TENM2: variants seen among roughly 807,000 people sequenced by gnomAD.
TENM2 encodes teneurin-2.
In TENM2, 52 loss-of-function variants were observed where a neutral mutation model predicts 245.2. The ratio of observed to expected loss-of-function variants is 0.21; its 90% CI spans 0.17 to 0.27. The LOEUF is 0.27. Ranked by LOEUF, TENM2 falls within the 10% of genes least tolerant of loss-of-function variation. The pLI is 1.00. For synonymous variants in TENM2, 1,363 were observed against 1,438.9 expected (o/e 0.95, Z 1.19); for missense variants, 3,046 against 3,666.8 (o/e 0.83, Z 4.37).
Position 167,578,892 on chromosome 5 carries a change from G to A in TENM2, c.502+203419G>A, listed in dbSNP as rs143217847. On this transcript the variant is annotated intron_variant, in intron 2 of 28. Transcript: ENST00000518659. Reference sequence around the variant, plus strand: ...CTGTTTTCTTTTCAACAGAGTTCACGATGAGAAGGAGCAAAAATAATTATT... The same window carrying A: ...CTGTTTTCTTTTCAACAGAGTTCACAATGAGAAGGAGCAAAAATAATTATT... Among the ~76,000 whole-genome samples, 143 of 152,216 alleles carry A rather than the reference G, an allele frequency of 9.4e-4. 1 individual carries two copies. The highest frequency in any genetic ancestry group is 3.2e-3 in the African/African-American group (131 of 41,518).
chr5:167,924,529 C>T (rs538381389), intron 3 of TENM2, among the ~76,000 whole-genome samples: 1 of 152,336 alleles, frequency 6.6e-6, no homozygotes, highest in South Asian at 2.1e-4. Context: ...GTTAGCACTT[C>T]TTTCAACTCA....
chr5:167,645,969 T>C (rs1779901502), intron 2 of TENM2, among the ~76,000 whole-genome samples: 2 of 151,630 alleles, frequency 1.3e-5, no homozygotes, highest in South Asian at 4.1e-4. Context: ...TATAATAAAA[T>C]GAGAATAAAT....
chr5:167,101,867 A>ATATATATATATATATATATATATATG, the TENM2 span, among the ~76,000 whole-genome samples: 1 of 128,748 alleles, frequency 7.8e-6, no homozygotes, highest in Non-Finnish European at 1.6e-5. Context: ...ATATATATAT[A>ATATATATATATATATATATATATATG]TATATATATG....
intron 4 of TENM2, among the ~76,000 whole-genome samples, chr5:167,983,190 A>T (rs1397126305): frequency 6.6e-6 from 1 of 152,190 alleles, no homozygotes; most frequent in Admixed American, 6.5e-5. Context: ...GAAGAAAAAA[A>T]AAAAAGACTC....
At chr5:167,934,270 A>C (rs749638340) in intron 3 of TENM2, among the ~76,000 whole-genome samples, 2 of 152,208 alleles carry the variant, frequency 1.3e-5, no homozygotes, top group Non-Finnish European at 2.9e-5. Context: ...ACCATATCAC[A>C]TTAATTGTTT....
intron 1 of TENM2, among the ~76,000 whole-genome samples, chr5:167,334,358 A>G (rs1757635793): frequency 6.6e-6 from 1 of 152,232 alleles, no homozygotes; most frequent in South Asian, 2.1e-4. Context: ...TTCTTAAAAT[A>G]TGCCTTCAAT....
chr5:167,235,169 A>T, the TENM2 span, among the ~76,000 whole-genome samples: 1 of 152,050 alleles, frequency 6.6e-6, no homozygotes, highest in African/African-American at 2.4e-5. Flanking sequence ...TCACATGGTA[A>T]TCCCTCTGTG....
the TENM2 span, among the ~76,000 whole-genome samples, chr5:167,038,488 A>T: frequency 5.3e-5 from 8 of 152,196 alleles, no homozygotes; most frequent in African/African-American, 1.9e-4. Flanking sequence ...ACTTTAAATG[A>T]ACTGTGGAGT....
At chr5:167,308,020 C>G (rs930000960) in intron 1 of TENM2, 1 of 152,388 alleles carries the variant, frequency 6.6e-6, no homozygotes, top group Non-Finnish European at 1.5e-5. Flanking sequence ...TTGCCTAGAC[C>G]TCTTCATCCG....
rs1476866103 is a variant in TENM2 at position 168,246,742 on chromosome 5, C to T, written c.5818-15C>T. On this transcript the variant is annotated splice_polypyrimidine_tract_variant and intron_variant, in intron 26 of 28. Transcript: ENST00000518659. ...AAGCCAACTGATATGTTCTGTTCCCCTTTCCTTTCTGCAGTCCATGGTCCT... is the reference window on the plus strand; with the variant it reads ...AAGCCAACTGATATGTTCTGTTCCCTTTTCCTTTCTGCAGTCCATGGTCCT... 6.2e-7 allele frequency: 1 copy of T among 1,610,352 alleles called. No individual in the cohort carries two copies. Among genetic ancestry groups the T allele is most frequent in the East Asian group, 2.2e-5 (1 of 44,796 alleles).
At position 167,500,030 on chromosome 5, in the gene TENM2, G is replaced by A. The variant is rs571561416; in HGVS notation, c.502+124557G>A. On this transcript the variant is annotated intron_variant, in intron 2 of 28. Transcript: ENST00000518659. ...TGTGTGTGTATGTGTATGTGAGGGT[G>A]TGTGTGTGTGTGTTTGTACATATAT... 6.9e-4 allele frequency among the ~76,000 whole-genome samples: 97 copies of A among 140,270 alleles called. 1 individual carries two copies. In the South Asian group the frequency reaches 0.023, roughly 33 times the overall value. The allele number at this position is 140,270 out of a possible 152,430, so 92.0% of individuals were successfully genotyped here.
the TENM2 span, among the ~76,000 whole-genome samples, chr5:167,157,739 T>C: frequency 6.6e-6 from 1 of 152,196 alleles, no homozygotes; most frequent in African/African-American, 2.4e-5. Context: ...GTCCAGTGTG[T>C]TTTAGAGGCG....
At chr5:167,661,446 G>A (rs899909419) in intron 2 of TENM2, among the ~76,000 whole-genome samples, 76 of 152,304 alleles carry the variant, frequency 5.0e-4, no homozygotes, top group Admixed American at 2.5e-3. Context: ...TCAAGCCATA[G>A]ATTTGAATAT....
At chr5:167,004,151 TCA>T in the TENM2 span, among the ~76,000 whole-genome samples, 1 of 152,218 alleles carries the variant, frequency 6.6e-6, no homozygotes, top group Non-Finnish European at 1.5e-5. Flanking sequence ...CACTTCTCCA[TCA>T]TAATAGATCC....
the TENM2 span, among the ~76,000 whole-genome samples, chr5:167,049,651 T>G: frequency 6.6e-6 from 1 of 152,224 alleles, no homozygotes; most frequent in East Asian, 1.9e-4. Flanking sequence ...TGGTAGTTAT[T>G]AACGTTTATT....
chr5:167,395,949 A>T (rs894089782), intron 2 of TENM2, among the ~76,000 whole-genome samples: 1 of 152,188 alleles, frequency 6.6e-6, no homozygotes, highest in African/African-American at 2.4e-5. Flanking sequence ...TCAAAGCAGT[A>T]ACAAAAGAGA....
chr5:167,435,670 G>C (rs1039188685), intron 2 of TENM2, among the ~76,000 whole-genome samples: 14 of 152,180 alleles, frequency 9.2e-5, no homozygotes, highest in African/African-American at 3.4e-4. Context: ...AACAGGCAGA[G>C]GCTGGAACAG....
At chr5:166,980,961 A>G in the TENM2 span, among the ~76,000 whole-genome samples, 1 of 152,198 alleles carries the variant, frequency 6.6e-6, no homozygotes, top group Non-Finnish European at 1.5e-5. Flanking sequence ...GTTTGCAATA[A>G]TACTCTTAAA....
At chr5:167,523,924 T>A (rs991542922) in intron 2 of TENM2, among the ~76,000 whole-genome samples, 11 of 152,162 alleles carry the variant, frequency 7.2e-5, no homozygotes, top group Non-Finnish European at 1.6e-4. Flanking sequence ...GATCCTGGAA[T>A]AAAGTTAAAA....
Sources: gnomAD v4.1 joint callset for allele counts (sites outside exome capture counted in the v4.1 genomes callset) on GRCh38, gnomAD v4.1.1 for gene constraint, MANE v1.5 for transcripts, NCBI Gene and HGNC (gene_info 2026-07-23, HGNC 2026-07-21) for gene names.